The following CACNA2D3 variants were observed in gnomAD, a reference collection of about 807,000 sequenced individuals.
The protein encoded by CACNA2D3 is calcium voltage-gated channel auxiliary subunit alpha2delta 3.
Under a neutral mutation model 160.6 loss-of-function variants are expected in CACNA2D3, and 60 were observed. The observed-to-expected ratio is 0.37, with a 90% CI of 0.30 to 0.46. CACNA2D3 has a LOEUF of 0.46. Ranked by LOEUF, CACNA2D3 falls within the 20% of genes least tolerant of loss-of-function variation. The probability of loss-of-function intolerance (pLI) is 1.00; values close to 1 mark genes in which losing one functional copy is unlikely to be tolerated. For missense variants in CACNA2D3, 1,205 were observed against 1,365.0 expected, an observed-to-expected ratio of 0.88 and a Z score of 1.85; for synonymous variants, 558 against 492.9, an observed-to-expected ratio of 1.13 and a Z score of -1.75.
chr3:54,701,700 C>A (rs746002991), intron 11 of CACNA2D3, among the ~76,000 whole-genome samples: 1 of 152,130 alleles, frequency 6.6e-6, no homozygotes, highest in Non-Finnish European at 1.5e-5. Flanking sequence ...AGTGCCATCC[C>A]TATCAAACTA....
At chr3:54,915,357 G>A (rs924235988) in intron 27 of CACNA2D3, among the ~76,000 whole-genome samples, 3 of 152,072 alleles carry the variant, frequency 2.0e-5, no homozygotes, top group South Asian at 2.1e-4. Context: ...AAAATCACCC[G>A]TCTGTAGCCA....
intron 12 of CACNA2D3, among the ~76,000 whole-genome samples, chr3:54,758,606 A>T (rs376562542): frequency 7.9e-5 from 12 of 152,190 alleles, no homozygotes; most frequent in African/African-American, 2.4e-4. Flanking sequence ...GACAGGGAGG[A>T]GGAGGAAGAT....
At chr3:54,163,356 G>A (rs986126924) in intron 2 of CACNA2D3, among the ~76,000 whole-genome samples, 1 of 152,226 alleles carries the variant, frequency 6.6e-6, no homozygotes, top group Non-Finnish European at 1.5e-5. Flanking sequence ...ACGGTTGCAT[G>A]ACCTTCATGA....
intron 11 of CACNA2D3, among the ~76,000 whole-genome samples, chr3:54,649,105 T>G (rs1402772256): frequency 6.6e-6 from 1 of 152,220 alleles, no homozygotes; most frequent in Non-Finnish European, 1.5e-5. Context: ...ATACTCCTTT[T>G]CATGCTGGAG....
At chr3:54,344,830 C>T (rs1698426857) in intron 3 of CACNA2D3, among the ~76,000 whole-genome samples, 1 of 152,178 alleles carries the variant, frequency 6.6e-6, no homozygotes, top group Non-Finnish European at 1.5e-5. Context: ...AAGGCATTCT[C>T]AGTCACAGGA....
intron 9 of CACNA2D3, among the ~76,000 whole-genome samples, chr3:54,584,628 T>C (rs1328249845): frequency 6.6e-6 from 1 of 152,198 alleles, no homozygotes; most frequent in Non-Finnish European, 1.5e-5. Flanking sequence ...AGATGTATTG[T>C]CTGGAAACTC....
intron 11 of CACNA2D3, among the ~76,000 whole-genome samples, chr3:54,662,710 C>G (rs1329107823): frequency 6.6e-6 from 1 of 152,192 alleles, no homozygotes; most frequent in East Asian, 1.9e-4. Context: ...CAGGGCTGTT[C>G]AGGTCCACCT....
intron 2 of CACNA2D3, among the ~76,000 whole-genome samples, chr3:54,261,666 A>G (rs555936425): frequency 6.6e-6 from 1 of 152,334 alleles, no homozygotes; most frequent in East Asian, 1.9e-4. Flanking sequence ...ATAGAAGGAG[A>G]CATAAAGTCT....
chr3:54,873,035 A>T (rs527824374), intron 18 of CACNA2D3, among the ~76,000 whole-genome samples: 3 of 151,660 alleles, frequency 2.0e-5, no homozygotes, highest in Admixed American at 6.6e-5. Context: ...TGCTTGCCGG[A>T]TGTTTGTCTT....
At chr3:54,680,086 T>G (rs1481675949) in intron 11 of CACNA2D3, among the ~76,000 whole-genome samples, 1 of 152,164 alleles carries the variant, frequency 6.6e-6, no homozygotes, top group Non-Finnish European at 1.5e-5. Flanking sequence ...AAACAACTTT[T>G]GTAAGGGAGG....
intron 2 of CACNA2D3, among the ~76,000 whole-genome samples, chr3:54,128,116 A>G (rs537878884): frequency 2.0e-5 from 3 of 152,248 alleles, no homozygotes; most frequent in South Asian, 4.2e-4. Flanking sequence ...TTTAATTCCC[A>G]TGTGGTTATA....
chr3:54,893,150 C>G (rs568180073), intron 25 of CACNA2D3, among the ~76,000 whole-genome samples: 2 of 152,292 alleles, frequency 1.3e-5, no homozygotes, highest in African/African-American at 4.8e-5. Context: ...GTGGCACACA[C>G]CTGTAATCCC....
chr3:54,167,267 T>C (rs1027453062), intron 2 of CACNA2D3, among the ~76,000 whole-genome samples: 3 of 152,204 alleles, frequency 2.0e-5, no homozygotes, highest in Admixed American at 2.0e-4. Context: ...CCACAGTAAA[T>C]TGTTCTCAGT....
chr3:54,971,161 C>G (rs1308357912), intron 29 of CACNA2D3, among the ~76,000 whole-genome samples: 1 of 151,380 alleles, frequency 6.6e-6, no homozygotes, highest in African/African-American at 2.4e-5. Flanking sequence ...GCCCAAGTTT[C>G]TGTGATCATC....
At chr3:54,896,967 A>C in intron 26 of CACNA2D3, 97 bp downstream of exon 26, 1 of 1,481,870 alleles carries the variant, frequency 6.7e-7, no homozygotes, top group Non-Finnish European at 9.4e-7. Flanking sequence ...TGCTGAAAGG[A>C]ACCAAGTTCA....
At chr3:54,419,208 C>G (rs1019790958) in intron 4 of CACNA2D3, among the ~76,000 whole-genome samples, 6 of 152,204 alleles carry the variant, frequency 3.9e-5, no homozygotes, top group Non-Finnish European at 8.8e-5. Context: ...ACCCTGGTGG[C>G]CCACAGGATG....
chr3:54,564,598 G>A (rs559361335), intron 6 of CACNA2D3, among the ~76,000 whole-genome samples: 25 of 152,270 alleles, frequency 1.6e-4, no homozygotes, highest in African/African-American at 5.8e-4. Flanking sequence ...TTCTTTTCAG[G>A]ATGCCTCTTT....
intron 35 of CACNA2D3, among the ~76,000 whole-genome samples, chr3:55,073,163 G>C (rs1214893414): frequency 6.6e-6 from 1 of 152,132 alleles, no homozygotes; most frequent in African/African-American, 2.4e-5. Flanking sequence ...AGGTGATTCA[G>C]CCAACTCTGA....
chr3:54,744,960 A>C (rs746267399), intron 11 of CACNA2D3, among the ~76,000 whole-genome samples: 1 of 152,256 alleles, frequency 6.6e-6, no homozygotes, highest in Admixed American at 6.5e-5. Flanking sequence ...TAAGTGTAGC[A>C]TTGAACCCAC....
Sources: gnomAD v4.1 joint callset for allele counts (sites outside exome capture counted in the v4.1 genomes callset) on GRCh38, gnomAD v4.1.1 for gene constraint, MANE v1.5 for transcripts, NCBI Gene and HGNC (gene_info 2026-07-23, HGNC 2026-07-21) for gene names.